The following HCN1 variants were observed in gnomAD, a reference collection of about 807,000 sequenced individuals.
HCN1 encodes the protein hyperpolarization activated cyclic nucleotide gated potassium channel 1.
Under a neutral mutation model 78.9 loss-of-function variants are expected in HCN1, and 13 were observed. The ratio of observed to expected loss-of-function variants is 0.16; its 90% CI spans 0.11 to 0.26. The LOEUF is 0.26. HCN1 is among the 10% of genes least tolerant of loss of function. The pLI is 1.00. For synonymous variants in HCN1, 552 were observed against 455.5 expected (o/e 1.21, Z -2.70); for missense variants, 810 against 1,154.3 (o/e 0.70, Z 4.32).
intron 3 of HCN1, among the ~76,000 whole-genome samples, chr5:45,400,949 G>A (rs995574607): frequency 5.9e-5 from 9 of 151,848 alleles, no homozygotes; most frequent in Non-Finnish European, 1.0e-4. Flanking sequence ...CATATAAAAT[G>A]CCTCCAAATA....
rs527296035 is a variant in HCN1, at chr5:45,676,550, T to C, written c.425+19119A>G. Among the ~76,000 whole-genome samples the C allele has an allele frequency of 2.0e-5, 3 of 151,778 alleles. No individual in the cohort carries two copies. In the South Asian group the frequency reaches 6.2e-4, roughly 31 times the overall value. On this transcript the variant is annotated intron_variant, in intron 1 of 7. Transcript: ENST00000303230. ...ACACTTAGGCCATTCAGATAAATGA[T>C]AATGGAAGGAAACTAAATCAAAAGG...
intron 5 of HCN1, among the ~76,000 whole-genome samples, chr5:45,313,623 A>C (rs1745908737): frequency 6.6e-6 from 1 of 152,220 alleles, no homozygotes; most frequent in Non-Finnish European, 1.5e-5. Flanking sequence ...CCTTGAAGAA[A>C]TATTAGACGA....
chr5:45,372,195 A>T (rs1395569511), intron 4 of HCN1, among the ~76,000 whole-genome samples: 3 of 42,578 alleles, frequency 7.0e-5, no homozygotes, highest in African/African-American at 2.8e-4. Context: ...AATACAATTA[A>T]TATAATACAT....
chr5:45,643,629 A>G lies in HCN1; in HGVS notation c.849+1556T>C, dbSNP rs537852338. 2.0e-5 allele frequency: 3 copies of G among 152,282 alleles called. No homozygotes were observed. In the East Asian group the frequency reaches 5.8e-4, roughly 29 times the overall value. 9.4% of individuals were successfully genotyped at this position (152,282 alleles called of 1,614,324 possible). ...TTGCCAAGTTTGGAATCCCAGCTCC[A>G]CTTCTTACTAGTTCTATGAATCTGG... On this transcript the variant is annotated intron_variant, in intron 2 of 7. Coordinates refer to ENST00000303230, the MANE Select transcript of HCN1 (RefSeq NM_021072.4).
intron 2 of HCN1, among the ~76,000 whole-genome samples, chr5:45,588,075 T>C (rs971619304): frequency 6.6e-6 from 1 of 152,194 alleles, no homozygotes; most frequent in African/African-American, 2.4e-5. Context: ...CTGTCGTTTA[T>C]GTGCCACCAA....
chr5:45,336,378 C>G (rs181925363), intron 5 of HCN1, among the ~76,000 whole-genome samples: 1 of 152,106 alleles, frequency 6.6e-6, no homozygotes, highest in East Asian at 1.9e-4. Flanking sequence ...CTATCTGACC[C>G]AAGTATTTTA....
chr5:45,660,046 G>GC (rs542969017), intron 1 of HCN1, among the ~76,000 whole-genome samples: 3,014 of 89,280 alleles, frequency 0.034, 43 homozygotes, highest in African/African-American at 0.046. Flanking sequence ...GTTAAGGGCA[G>GC]CAGAGAGAAA....
chr5:45,695,129 G>C (rs1205475634), intron 1 of HCN1: 4 of 153,980 alleles, frequency 2.6e-5, no homozygotes, highest in African/African-American at 9.7e-5. Context: ...AACACAGCGA[G>C]GATAACCAGC....
intron 5 of HCN1, among the ~76,000 whole-genome samples, chr5:45,311,430 A>G (rs376424118): frequency 1.3e-5 from 2 of 152,178 alleles, no homozygotes; most frequent in Admixed American, 6.5e-5. Flanking sequence ...ATCAGCTTAT[A>G]TTAGAAAATT....
chr5:45,267,104 G>A lies in HCN1; in HGVS notation c.1768C>T (p.Arg590Ter). ...ACTAGAGTACCTATTCGATCTAGTC[G>A]GTCAATGGCAACTGTCTCAAAGGCT... ...RRAFETVAID[R>*]LDRIGKKNSI... is the part of the protein sequence containing the mutation. Residue 590 changes from arginine (R) to a stop codon, truncating the protein, a stop_gained, in exon 7 of 8, where the codon CGA becomes TGA. Transcript: ENST00000303230. LOFTEE classifies it high-confidence loss of function. The A allele has an allele frequency of 1.9e-6, 3 of 1,612,932 alleles. No individual in the cohort carries two copies. Among genetic ancestry groups the A allele is most frequent in the Non-Finnish European group, 1.7e-6 (2 of 1,178,998 alleles).
chr5:45,665,311 G>C, intron 1 of HCN1, among the ~76,000 whole-genome samples: 1 of 118,600 alleles, frequency 8.4e-6, no homozygotes, highest in Admixed American at 9.3e-5. Context: ...GGTGGGGGGA[G>C]GGGGGAGGGA....
At chr5:45,340,790 C>A (rs192857086) in intron 5 of HCN1, among the ~76,000 whole-genome samples, 1 of 152,202 alleles carries the variant, frequency 6.6e-6, no homozygotes, top group East Asian at 1.9e-4. Flanking sequence ...TGAATAGGAT[C>A]TAGTTTAAGG....
At chr5:45,350,842 A>T (rs1235891950) in intron 5 of HCN1, among the ~76,000 whole-genome samples, 2 of 152,206 alleles carry the variant, frequency 1.3e-5, no homozygotes, top group Non-Finnish European at 2.9e-5. Context: ...CTCTTCAAGG[A>T]GAACTACAAA....
At chr5:45,406,477 G>A (rs937493593) in intron 3 of HCN1, among the ~76,000 whole-genome samples, 1 of 152,098 alleles carries the variant, frequency 6.6e-6, no homozygotes, top group Non-Finnish European at 1.5e-5. Flanking sequence ...GATTGGAAAT[G>A]CAAACGTTGG....
chr5:45,560,991 T>C (rs894436427), intron 2 of HCN1, among the ~76,000 whole-genome samples: 1 of 152,136 alleles, frequency 6.6e-6, no homozygotes, highest in African/African-American at 2.4e-5. Flanking sequence ...ATATTCAGGA[T>C]GTGCAATTCA....
intron 3 of HCN1, among the ~76,000 whole-genome samples, chr5:45,416,641 T>C (rs566114059): frequency 4.6e-5 from 7 of 152,098 alleles, no homozygotes; most frequent in South Asian, 2.1e-4. Context: ...CACAGTACTA[T>C]ATATATGCTA....
At chr5:45,419,991 C>T (rs1243817102) in intron 3 of HCN1, among the ~76,000 whole-genome samples, 2 of 152,042 alleles carry the variant, frequency 1.3e-5, no homozygotes, top group Non-Finnish European at 2.9e-5. Flanking sequence ...GGGGAGAATG[C>T]ACATGGGAAA....
chr5:45,357,860 G>T (rs1469035189), intron 4 of HCN1, among the ~76,000 whole-genome samples: 2 of 152,032 alleles, frequency 1.3e-5, no homozygotes, highest in Non-Finnish European at 2.9e-5. Context: ...CAAGGACAAA[G>T]ATTATGCCCT....
chr5:45,482,519 A>G (rs1459282852), intron 2 of HCN1, among the ~76,000 whole-genome samples: 1 of 152,236 alleles, frequency 6.6e-6, no homozygotes, highest in African/African-American at 2.4e-5. Context: ...GGGACTATCA[A>G]TAAATGTAAT....
Sources: gnomAD v4.1 joint callset for allele counts (sites outside exome capture counted in the v4.1 genomes callset) on GRCh38, gnomAD v4.1.1 for gene constraint, MANE v1.5 for transcripts, NCBI Gene and HGNC (gene_info 2026-07-23, HGNC 2026-07-21) for gene names.